Variants in GREB1L observed in about 807,000 individuals in gnomAD.
The protein encoded by GREB1L is GREB1-like protein.
GREB1L carries 17 observed loss-of-function variants against 200.8 expected under a neutral mutation model. That is an observed-to-expected ratio of 0.08 (90% CI 0.06 to 0.13). The LOEUF is 0.13. Among genes scored for constraint, GREB1L ranks in the 10% least tolerant of loss-of-function variants. The pLI is 1.00. For synonymous variants in GREB1L, 789 were observed against 893.0 expected (o/e 0.88, Z 2.08); for missense variants, 1,657 against 2,367.7 (o/e 0.70, Z 6.23).
chr18:21,275,847 T>C (rs952866485), intron 1 of GREB1L, among the ~76,000 whole-genome samples: 2 of 152,198 alleles, frequency 1.3e-5, no homozygotes, highest in Non-Finnish European at 2.9e-5. Flanking sequence ...GCATATCGTC[T>C]CTGACTGCAT....
intron 1 of GREB1L, among the ~76,000 whole-genome samples, chr18:21,310,324 C>A (rs1035959942): frequency 2.6e-5 from 4 of 152,192 alleles, no homozygotes; most frequent in Non-Finnish European, 5.9e-5. Context: ...AATCCCAGCA[C>A]TTTGGGAGGC....
chr18:21,477,587 C>A (rs910106027), intron 17 of GREB1L, among the ~76,000 whole-genome samples: 5 of 152,104 alleles, frequency 3.3e-5, no homozygotes, highest in African/African-American at 1.2e-4. Context: ...GAGATCGAGA[C>A]CATCCTGGCT....
At chr18:21,498,840 A>T (rs1481842838) in intron 21 of GREB1L, among the ~76,000 whole-genome samples, 1 of 152,172 alleles carries the variant, frequency 6.6e-6, no homozygotes, top group Non-Finnish European at 1.5e-5. Context: ...GCGGGTTTTA[A>T]TCATGTCTTG....
chr18:21,342,519 A>G (rs1049606842), intron 1 of GREB1L, among the ~76,000 whole-genome samples: 2 of 152,198 alleles, frequency 1.3e-5, no homozygotes, highest in Non-Finnish European at 2.9e-5. Flanking sequence ...CTCAAATCCA[A>G]GCATTTTACA....
At chr18:21,253,525 A>C (rs1283872648) in intron 1 of GREB1L, among the ~76,000 whole-genome samples, 2 of 152,152 alleles carry the variant, frequency 1.3e-5, no homozygotes, top group Non-Finnish European at 2.9e-5. Context: ...TGCTGGAATT[A>C]TAGGTGTGAG....
chr18:21,368,906 T>C (rs1404996716), intron 2 of GREB1L, among the ~76,000 whole-genome samples: 2 of 152,162 alleles, frequency 1.3e-5, no homozygotes, highest in Non-Finnish European at 2.9e-5. Context: ...AAGTATTTAA[T>C]GTGTTATTAT....
chr18:21,387,019 T>C (rs1394482799), intron 4 of GREB1L, among the ~76,000 whole-genome samples: 1 of 152,216 alleles, frequency 6.6e-6, no homozygotes, highest in East Asian at 1.9e-4. Flanking sequence ...GCAATTTAGA[T>C]AAGCAAATAC....
intron 19 of GREB1L, among the ~76,000 whole-genome samples, chr18:21,493,105 G>T (rs77043247): frequency 0.018 from 2,666 of 152,252 alleles, 76 homozygotes; most frequent in African/African-American, 0.058. Flanking sequence ...GTAGATTGCG[G>T]CTCACTCATT....
chr18:21,517,643 A>G lies in GREB1L; in HGVS notation c.5272-391A>G, dbSNP rs1348910707. On this transcript the variant is annotated intron_variant, in intron 30 of 32. Transcript: ENST00000424526. ...AGAAATCTACTGAATGTAGTAATTC[A>G]CAGCATGGGGGCTACCAGTGGAGCT... Among the ~76,000 whole-genome samples, 8 of 152,218 alleles carry G rather than the reference A, an allele frequency of 5.3e-5. No homozygotes were observed. In the East Asian group the frequency reaches 9.6e-4, roughly 18 times the overall value.
Position 21,440,251 on chromosome 18 carries a change from T to G in GREB1L, c.950-18T>G. The G allele has an allele frequency of 6.4e-7, 1 of 1,551,446 alleles. No individual in the cohort carries two copies. Among genetic ancestry groups the G allele is most frequent in the South Asian group, 1.2e-5 (1 of 83,984 alleles). On this transcript the variant is annotated intron_variant, in intron 8 of 32. Transcript: ENST00000424526. ...GAACAAGACTATCTCTTTTTTTTGT[T>G]TTTTTGTTTGTCTTCAGCTACCATG...
intron 19 of GREB1L, among the ~76,000 whole-genome samples, chr18:21,495,103 T>G (rs1037399286): frequency 9.2e-5 from 14 of 152,246 alleles, no homozygotes; most frequent in African/African-American, 3.4e-4. Flanking sequence ...AGAGAGATTC[T>G]TTCAAGGCCC....
At chr18:21,430,738 A>G in intron 7 of GREB1L, among the ~76,000 whole-genome samples, 1 of 151,236 alleles carries the variant, frequency 6.6e-6, no homozygotes, top group Non-Finnish European at 1.5e-5. Context: ...ATGGGATTAC[A>G]GGCATGCGCC....
At chr18:21,375,540 G>A (rs899135163) in intron 2 of GREB1L, among the ~76,000 whole-genome samples, 5 of 152,082 alleles carry the variant, frequency 3.3e-5, no homozygotes, top group African/African-American at 4.8e-5. Flanking sequence ...TTTCTTTTCT[G>A]ATTTTTTTCT....
chr18:21,510,087 G>T (rs183275712), intron 27 of GREB1L, among the ~76,000 whole-genome samples: 1 of 151,628 alleles, frequency 6.6e-6, no homozygotes. Flanking sequence ...GGTGGTGTGC[G>T]CCTGTAATAC....
chr18:21,383,333 G>A (rs573120926), intron 2 of GREB1L, among the ~76,000 whole-genome samples, 177 bp from the exon 3 acceptor site: 18 of 152,294 alleles, frequency 1.2e-4, no homozygotes, highest in Admixed American at 2.0e-4. Flanking sequence ...AAAAGCACAC[G>A]TGACATGATA....
chr18:21,418,909 C>T (rs1296158704), intron 7 of GREB1L, among the ~76,000 whole-genome samples: 1 of 152,024 alleles, frequency 6.6e-6, no homozygotes, highest in East Asian at 1.9e-4. Flanking sequence ...AGTCATGTAC[C>T]ACATAATGAT....
In GREB1L at chr18:21,290,713, A is replaced by G. The variant is rs1185930289; in HGVS notation, c.-120+48320A>G. On this transcript the variant is annotated intron_variant, in intron 1 of 32. Transcript: ENST00000424526. ...GTGGCATGTGCCTGTAATCCTAGCT[A>G]CTCAGGAAGCTGAGGCAGGAGAAAT... Among the ~76,000 whole-genome samples the G allele has an allele frequency of 4.6e-5, 7 of 151,742 alleles. No individual in the cohort carries two copies. In the East Asian group the frequency reaches 1.4e-3, roughly 30 times the overall value.
chr18:21,473,256 A>G, intron 16 of GREB1L, 45 bp downstream of exon 16: 1 of 1,346,436 alleles, frequency 7.4e-7, no homozygotes, highest in Non-Finnish European at 9.8e-7. Context: ...TTCTACAGGA[A>G]TAATTGTTAC....
At chr18:21,427,283 C>T (rs1285528842) in intron 7 of GREB1L, among the ~76,000 whole-genome samples, 2 of 151,924 alleles carry the variant, frequency 1.3e-5, no homozygotes, top group Admixed American at 1.3e-4. Flanking sequence ...GCAGGCTGAT[C>T]TCTTGAGCTC....
Sources: allele counts gnomAD v4.1 joint callset (sites outside exome capture counted in the v4.1 genomes callset), GRCh38; gene constraint gnomAD v4.1.1; transcripts MANE v1.5; gene names NCBI Gene and HGNC (gene_info 2026-07-23, HGNC 2026-07-21).